Variants in CAMK2D observed in about 807,000 individuals in gnomAD.
The protein encoded by CAMK2D is calcium/calmodulin-dependent protein kinase type II subunit delta.
Under a neutral mutation model 84.0 loss-of-function variants are expected in CAMK2D, and 37 were observed. The ratio of observed to expected loss-of-function variants is 0.44; its 90% CI spans 0.34 to 0.58. The LOEUF (loss-of-function observed/expected upper bound fraction) is 0.58. Among genes scored for constraint, CAMK2D ranks in the 20% least tolerant of loss-of-function variants. CAMK2D has a pLI of 0.02. For synonymous variants in CAMK2D, 202 were observed against 212.5 expected (o/e 0.95, Z 0.43); for missense variants, 448 against 652.5 (o/e 0.69, Z 3.41).
intron 16 of CAMK2D, among the ~76,000 whole-genome samples, chr4:113,468,224 T>A (rs981980614): frequency 6.6e-6 from 1 of 152,180 alleles, no homozygotes; most frequent in Admixed American, 6.5e-5. Flanking sequence ...CTCTTAAGTA[T>A]TTTGCATGCC....
chr4:113,465,945 G>GT (rs1451898119), intron 16 of CAMK2D, among the ~76,000 whole-genome samples: 1 of 150,462 alleles, frequency 6.6e-6, no homozygotes, highest in African/African-American at 2.4e-5. Context: ...TCAAGGCTAT[G>GT]TTTTTTAAAA....
At position 113,668,814 on chromosome 4, in the gene CAMK2D, G is replaced by A. The variant is rs1335506530; in HGVS notation, c.161-7042C>T. The stretch of plus-strand genomic sequence containing the variant: ...AGAAAAAACTATTATTTGTCTGAGT[G>A]TAAAATTTGTAAATAAATAAAATTG... On this transcript the variant is annotated intron_variant, in intron 2 of 20. Coordinates refer to ENST00000511664, the MANE Select transcript of CAMK2D (RefSeq NM_001321571.2). Among the ~76,000 whole-genome samples, 5 of 152,114 alleles carry A rather than the reference G, an allele frequency of 3.3e-5. 1 individual carries two copies. The highest frequency in any genetic ancestry group is 1.3e-4 in the Admixed American group (2 of 15,276).
At chr4:113,654,593 C>G (rs17046377) in intron 3 of CAMK2D, among the ~76,000 whole-genome samples, 2,360 of 152,100 alleles carry the variant, frequency 0.016, 50 homozygotes, top group African/African-American at 0.05. Flanking sequence ...CCTCAAAACT[C>G]TCCTCAAAAG....
intron 3 of CAMK2D, 119 bp from the exon 4 acceptor site, chr4:113,609,325 A>G: frequency 1.5e-6 from 1 of 656,608 alleles, no homozygotes; most frequent in Non-Finnish European, 2.8e-6. Flanking sequence ...ATTTTATTTT[A>G]GCCTTTGATA....
At chr4:113,748,422 G>A (rs2099609625) in intron 2 of CAMK2D, among the ~76,000 whole-genome samples, 2 of 152,018 alleles carry the variant, frequency 1.3e-5, no homozygotes, top group Non-Finnish European at 2.9e-5. Flanking sequence ...GAATAATTTT[G>A]ATGATATTTA....
intron 4 of CAMK2D, among the ~76,000 whole-genome samples, chr4:113,579,854 A>C (rs1274106752): frequency 6.6e-6 from 1 of 152,248 alleles, no homozygotes; most frequent in African/African-American, 2.4e-5. Flanking sequence ...GAATTCTTGA[A>C]ATATTTACTG....
chr4:113,613,988 C>T (rs1363201535), intron 3 of CAMK2D, among the ~76,000 whole-genome samples: 1 of 152,000 alleles, frequency 6.6e-6, no homozygotes, highest in African/African-American at 2.4e-5. Context: ...ACTGTGTCAA[C>T]AGTGATTAGG....
chr4:113,528,365 C>T (rs967899064), intron 8 of CAMK2D, among the ~76,000 whole-genome samples: 1 of 152,116 alleles, frequency 6.6e-6, no homozygotes, highest in Non-Finnish European at 1.5e-5. Context: ...TGTGCCATGT[C>T]ATACAGCAAG....
intron 4 of CAMK2D, among the ~76,000 whole-genome samples, chr4:113,570,443 G>A (rs999320477): frequency 6.6e-6 from 1 of 152,094 alleles, no homozygotes; most frequent in Non-Finnish European, 1.5e-5. Flanking sequence ...CTGGCATATT[G>A]TCAGATTCAC....
chr4:113,597,276 T>G (rs897812771), intron 4 of CAMK2D, among the ~76,000 whole-genome samples: 1 of 152,254 alleles, frequency 6.6e-6, no homozygotes, highest in Admixed American at 6.5e-5. Flanking sequence ...CTTCCTCCAA[T>G]AGAAGATTGT....
intron 20 of CAMK2D, 104 bp from the exon 21 acceptor site, chr4:113,454,619 C>T: frequency 1.4e-6 from 1 of 707,790 alleles, no homozygotes; most frequent in Non-Finnish European, 2.6e-6. Flanking sequence ...TATAACTTGG[C>T]TAACAAATAG....
chr4:113,689,543 T>TA (rs2099377094), intron 2 of CAMK2D, among the ~76,000 whole-genome samples: 1 of 152,212 alleles, frequency 6.6e-6, no homozygotes, highest in South Asian at 2.1e-4. Flanking sequence ...ATACTCCAGA[T>TA]ACATTAGTGC....
chr4:113,533,125 T>C (rs985198092), intron 7 of CAMK2D, among the ~76,000 whole-genome samples: 1 of 152,226 alleles, frequency 6.6e-6, no homozygotes, highest in East Asian at 1.9e-4. Context: ...TAAGTTACTA[T>C]GTGAGGAAGA....
intron 3 of CAMK2D, among the ~76,000 whole-genome samples, chr4:113,651,930 T>A (rs560339702): frequency 3.9e-5 from 6 of 152,270 alleles, no homozygotes; most frequent in African/African-American, 7.2e-5. Flanking sequence ...ATATTTTCCA[T>A]AAGCATTTGA....
chr4:113,744,760 T>C (rs1276099179), intron 2 of CAMK2D, among the ~76,000 whole-genome samples: 2 of 152,218 alleles, frequency 1.3e-5, no homozygotes, highest in Non-Finnish European at 2.9e-5. Context: ...CAGAGCCACT[T>C]CTTGAATCTT....
intron 4 of CAMK2D, among the ~76,000 whole-genome samples, chr4:113,552,445 G>A (rs1016353027): frequency 1.3e-5 from 2 of 152,140 alleles, no homozygotes; most frequent in Non-Finnish European, 2.9e-5. Context: ...AAAAGGAGAT[G>A]ATACACATCA....
rs566845665 is a variant in CAMK2D at position 113,648,307 on chromosome 4, G to GCTGTTGTTAT, written c.220+13396_220+13405dup. Among the ~76,000 whole-genome samples the GCTGTTGTTAT allele has an allele frequency of 6.6e-5, 10 of 152,154 alleles. No homozygotes were observed. In the South Asian group the frequency reaches 2.1e-3, roughly 32 times the overall value. ...AGAATGAAAGTAATCTAAGAAAATG[G>GCTGTTGTTAT]CTGTTGTTATTGCTCCTTAAAAGAA... On this transcript the variant is annotated intron_variant, in intron 3 of 20. Coordinates refer to ENST00000511664, the MANE Select transcript of CAMK2D (RefSeq NM_001321571.2).
At chr4:113,539,548 C>T (rs17046198) in intron 6 of CAMK2D, among the ~76,000 whole-genome samples, 18,341 of 152,106 alleles carry the variant, frequency 0.12, 1,634 homozygotes, top group East Asian at 0.21. Context: ...AAGTATCTGC[C>T]GATTCAGAAG....
intron 2 of CAMK2D, among the ~76,000 whole-genome samples, chr4:113,716,935 C>T (rs375551803): frequency 6.6e-6 from 1 of 152,064 alleles, no homozygotes; most frequent in Admixed American, 6.6e-5. Context: ...CAAAATTGAA[C>T]AAGTGAATAG....
Sources: gnomAD v4.1 joint callset for allele counts (sites outside exome capture counted in the v4.1 genomes callset) on GRCh38, gnomAD v4.1.1 for gene constraint, MANE v1.5 for transcripts, NCBI Gene and HGNC (gene_info 2026-07-23, HGNC 2026-07-21) for gene names.